CDH13: variants seen among roughly 807,000 people sequenced by gnomAD.
CDH13 encodes cadherin-13.
A neutral mutation model predicts 63.8 loss-of-function variants in CDH13; 24 were observed. The observed-to-expected ratio is 0.38, with a 90% CI of 0.27 to 0.53. The LOEUF (loss-of-function observed/expected upper bound fraction) is 0.53, where lower values mean the gene tolerates loss of function less well. Among genes scored for constraint, CDH13 ranks in the 20% least tolerant of loss-of-function variants. The pLI is 0.85. For missense variants in CDH13, 1,049 were observed against 903.1 expected (o/e 1.16, Z -2.07); for synonymous variants, 503 against 355.3 (o/e 1.42, Z -4.67).
intron 7 of CDH13, among the ~76,000 whole-genome samples, chr16:83,572,723 C>G (rs968890932): frequency 3.3e-5 from 5 of 152,168 alleles, no homozygotes. Context: ...ACATGGCATT[C>G]GTGATTTAGA....
chr16:83,739,396 C>T (rs1911849345), intron 10 of CDH13, among the ~76,000 whole-genome samples: 1 of 152,220 alleles, frequency 6.6e-6, no homozygotes, highest in Admixed American at 6.5e-5. Context: ...AAGCTGGTAC[C>T]TGGTTTCCCC....
chr16:83,109,322 A>G (rs1365281991), intron 3 of CDH13, among the ~76,000 whole-genome samples: 1 of 152,152 alleles, frequency 6.6e-6, no homozygotes, highest in African/African-American at 2.4e-5. Flanking sequence ...AGCCTTTCAT[A>G]CGATGTGAGT....
chr16:83,434,351 C>A (rs1212811597), intron 6 of CDH13, among the ~76,000 whole-genome samples: 1 of 152,158 alleles, frequency 6.6e-6, no homozygotes, highest in African/African-American at 2.4e-5. Context: ...CCTACTTCCC[C>A]ATTTGTGTGA....
At chr16:83,331,895 A>G (rs868353800) in intron 5 of CDH13, among the ~76,000 whole-genome samples, 1 of 152,166 alleles carries the variant, frequency 6.6e-6, no homozygotes, top group Admixed American at 6.5e-5. Flanking sequence ...ATCTTTAAGC[A>G]ATATTGTAAT....
Position 82,683,724 on chromosome 16 carries a change from A to G in CDH13, c.45+56587A>G, listed in dbSNP as rs117527338. Among the ~76,000 whole-genome samples, 51 of 152,356 alleles carry G rather than the reference A, an allele frequency of 3.3e-4. 1 individual carries two copies. Among genetic ancestry groups the G allele is most frequent in the African/African-American group, 1.1e-3 (44 of 41,586 alleles). ...TCCTATTCACCAAGCTATCCACACC[A>G]TCTAGCTCAGTCCATACTTTCTTAA... On this transcript the variant is annotated intron_variant, in intron 1 of 13. Transcript: ENST00000567109.
chr16:83,206,530 C>T (rs1567506256), intron 4 of CDH13, among the ~76,000 whole-genome samples: 1 of 152,208 alleles, frequency 6.6e-6, no homozygotes, highest in Non-Finnish European at 1.5e-5. Context: ...ACAGTTTTGT[C>T]CTTTTAGGAA....
chr16:83,152,089 G>C (rs1179289075), intron 4 of CDH13, among the ~76,000 whole-genome samples: 1 of 152,012 alleles, frequency 6.6e-6, no homozygotes, highest in Admixed American at 6.6e-5. Context: ...GAAAATTAGA[G>C]GAAAAAAAAG....
chr16:82,807,411 C>T (rs1037104302), intron 1 of CDH13, among the ~76,000 whole-genome samples: 1 of 152,080 alleles, frequency 6.6e-6, no homozygotes, highest in Non-Finnish European at 1.5e-5. Context: ...AGGAAGAGGT[C>T]TGGTAGCTGA....
chr16:83,236,019 T>G (rs1316868361), intron 5 of CDH13, among the ~76,000 whole-genome samples: 1 of 152,206 alleles, frequency 6.6e-6, no homozygotes, highest in Non-Finnish European at 1.5e-5. Context: ...CAGAAATAAT[T>G]TGCATTTAAA....
chr16:83,035,412 G>T (rs1362440476), intron 3 of CDH13, among the ~76,000 whole-genome samples: 1 of 152,132 alleles, frequency 6.6e-6, no homozygotes, highest in Non-Finnish European at 1.5e-5. Flanking sequence ...CATGTGCCAG[G>T]TGTTGCTCCA....
intron 10 of CDH13, among the ~76,000 whole-genome samples, chr16:83,689,916 T>G (rs1904678761): frequency 1.3e-5 from 2 of 152,210 alleles, no homozygotes; most frequent in Admixed American, 1.3e-4. Context: ...CCGGGAGCAG[T>G]GGCTCACACC....
chr16:83,202,680 A>G (rs2039066265), intron 4 of CDH13, among the ~76,000 whole-genome samples: 1 of 152,232 alleles, frequency 6.6e-6, no homozygotes, highest in East Asian at 1.9e-4. Context: ...ACTCTCAGGG[A>G]AAGGGCAGTC....
At position 82,714,712 on chromosome 16, in the gene CDH13, T is replaced by TA. The variant is rs71146088; in HGVS notation, c.45+87602dup. On this transcript the variant is annotated intron_variant, in intron 1 of 13. Transcript: ENST00000567109. ...CTAGGCGACAGAGCAAGACTCCATC[T>TA]AAAAAAAAAAAAAAAAAAAAAAAAA... Among the ~76,000 whole-genome samples the TA allele has an allele frequency of 1.0e-2, 299 of 30,012 alleles. 31 individuals are homozygous for TA. The highest frequency in any genetic ancestry group is 0.014 in the Non-Finnish European group (230 of 16,072). 19.7% of individuals were successfully genotyped at this position (30,012 alleles called of 152,430 possible).
intron 6 of CDH13, chr16:83,383,239 G>C (rs2091603686): frequency 6.6e-6 from 1 of 152,174 alleles, no homozygotes; most frequent in South Asian, 2.1e-4. Context: ...CATGTTATCA[G>C]TGTTCCACCT....
chr16:83,236,575 A>G (rs1383835717), intron 5 of CDH13, among the ~76,000 whole-genome samples: 1 of 152,170 alleles, frequency 6.6e-6, no homozygotes, highest in African/African-American at 2.4e-5. Context: ...AAAATGCTGC[A>G]AGGCTATTCT....
At chr16:82,919,788 C>G (rs1376786827) in intron 2 of CDH13, among the ~76,000 whole-genome samples, 4 of 152,238 alleles carry the variant, frequency 2.6e-5, no homozygotes, top group African/African-American at 4.8e-5. Flanking sequence ...TTCATCTACT[C>G]TAAATCCATG....
intron 2 of CDH13, among the ~76,000 whole-genome samples, chr16:82,984,248 C>G (rs1198288582): frequency 6.6e-6 from 1 of 152,220 alleles, no homozygotes; most frequent in East Asian, 1.9e-4. Flanking sequence ...GAAAACCACA[C>G]TGCTTTGTTG....
At chr16:83,346,132 G>A (rs17211581) in intron 6 of CDH13, among the ~76,000 whole-genome samples, 14,637 of 152,166 alleles carry the variant, frequency 0.096, 769 homozygotes, top group African/African-American at 0.11. Flanking sequence ...CTTTAAATGC[G>A]CTCCGTAAAA....
In CDH13 at chr16:83,532,661, A is replaced by G. The variant is rs116925315; in HGVS notation, c.960+46006A>G. ...CGCCATGTCAGTTTCTTCCTCTGCA[A>G]TCTCTGCAGTGGCTTGCACCATGCC... On this transcript the variant is annotated intron_variant, in intron 7 of 13. Coordinates refer to ENST00000567109, the MANE Select transcript of CDH13 (RefSeq NM_001257.5). Among the ~76,000 whole-genome samples, 54 of 152,290 alleles carry G rather than the reference A, an allele frequency of 3.5e-4. No homozygotes were observed. The East Asian group carries it at 9.7e-3, about 27-fold the overall frequency.
Sources: gnomAD v4.1 joint callset for allele counts (sites outside exome capture counted in the v4.1 genomes callset) on GRCh38, gnomAD v4.1.1 for gene constraint, MANE v1.5 for transcripts, NCBI Gene and HGNC (gene_info 2026-07-23, HGNC 2026-07-21) for gene names.